HNRNPU: variants seen among roughly 807,000 people sequenced by gnomAD.
HNRNPU encodes HNRNPU antisense RNA 1.
A neutral mutation model predicts 94.7 loss-of-function variants in HNRNPU; 5 were observed. The ratio of observed to expected loss-of-function variants is 0.05; its 90% CI spans 0.03 to 0.11. The LOEUF (loss-of-function observed/expected upper bound fraction) is 0.11. Ranked by LOEUF, HNRNPU falls within the 10% of genes least tolerant of loss-of-function variation. The pLI is 1.00. For missense variants in HNRNPU, 710 were observed against 1,049.2 expected (o/e 0.68, Z 4.47); for synonymous variants, 434 against 381.6 (o/e 1.14, Z -1.60).
In HNRNPU at chr1:244,864,212, G is replaced by T; in HGVS notation, c.96C>A (p.Ala32=). 6.2e-7 allele frequency: 1 copy of T among 1,612,102 alleles called. No homozygotes were observed. The highest frequency in any genetic ancestry group is 8.5e-7 in the Non-Finnish European group (1 of 1,179,348). ...CAGCCTGGAGTCGCTCCATGAGCTC[G>T]GCCTTGAGACCCTTGTCAGAAAGGC... The part of the protein sequence containing the change: ...KRRLSDKGLK[A]ELMERLQAAL... The change falls in exon 1 of 14, where the codon GCC becomes GCA. Residue 32 remains alanine (A), a synonymous_variant. Transcript: ENST00000640218.
In HNRNPU at chr1:244,859,480, T is replaced by C. The variant is rs998012665; in HGVS notation, c.1018-106A>G. The C allele has an allele frequency of 6.6e-6, 4 of 609,926 alleles. No homozygotes were observed. The South Asian group carries it at 8.1e-5, about 12-fold the overall frequency. The allele number at this position is 609,926 out of a possible 1,614,324, so 37.8% of individuals were successfully genotyped here. ...GGGCTAATCTTCCTCTAGCTATAAA[T>C]ACAAAGAAGGCACACTCTAGCCCAC... is the stretch of plus-strand genomic sequence containing the variant. On this transcript the variant is annotated intron_variant, in intron 4 of 13. Coordinates refer to ENST00000640218, the MANE Select transcript of HNRNPU (RefSeq NM_031844.3).
chr1:244,854,557 T>A, intron 13 of HNRNPU, 54 bp from the exon 14 acceptor site: 1 of 1,144,008 alleles, frequency 8.7e-7, no homozygotes. Flanking sequence ...CCACTCAAAC[T>A]GTTTTTAGGA....
At chr1:244,854,637 A>C in intron 13 of HNRNPU, 134 bp from the exon 14 acceptor site, 1 of 658,230 alleles carries the variant, frequency 1.5e-6, no homozygotes, top group East Asian at 2.6e-5. Context: ...TCTGATTTCT[A>C]CCAAACCAGA....
chr1:244,864,390 C>T lies in HNRNPU; in HGVS notation c.-83G>A. 1 of 1,575,622 alleles carries T rather than the reference C, an allele frequency of 6.3e-7. No individual in the cohort carries two copies. The highest frequency in any genetic ancestry group is 8.6e-7 in the Non-Finnish European group (1 of 1,166,250). On this transcript the variant is annotated 5_prime_UTR_variant, in exon 1 of 14. Transcript: ENST00000640218. ...CCACTGGTGGCGGCTGCTGCGGCTG[C>T]TCCTCGGCCCGGGCGGCGGCTGCGG...
Position 244,859,516 on chromosome 1 carries a change from T to C in HNRNPU, c.1018-142A>G, listed in dbSNP as rs529002233. 62 of 498,638 alleles carry C rather than the reference T, an allele frequency of 1.2e-4. No homozygotes were observed. The Admixed American group carries it at 1.8e-3, about 15-fold the overall frequency. The allele number at this position is 498,638 out of a possible 1,614,324, so 30.9% of individuals were successfully genotyped here. A position where few individuals can be genotyped will look rare whatever the true frequency, so the allele number is the denominator to read the frequency against. The stretch of plus-strand genomic sequence containing the variant: ...CACACTCTAGCCCACCCCCAATATT[T>C]GTAAGAACTTTAAACTGATGTGCTT... On this transcript the variant is annotated intron_variant, in intron 4 of 13. Coordinates refer to ENST00000640218, the MANE Select transcript of HNRNPU (RefSeq NM_031844.3).
intron 12 of HNRNPU, 116 bp downstream of exon 12, chr1:244,855,308 A>AT: frequency 9.7e-7 from 1 of 1,026,608 alleles, no homozygotes; most frequent in South Asian, 1.5e-5. Flanking sequence ...AATTTTCCTT[A>AT]TGTCAATGCC....
At position 244,852,142 on chromosome 1, in the gene HNRNPU, C is replaced by G. The variant is rs1680564352; in HGVS notation, c.*2308G>C. ...AATCAGGTTTCTCGTTCGTATCTTA[C>G]TTCTTACCTAATTTTCTCCCTGTTG... is the stretch of plus-strand genomic sequence containing the variant. On this transcript the variant is annotated 3_prime_UTR_variant, in exon 14 of 14. Transcript: ENST00000640218. The G allele has an allele frequency of 6.6e-6, 1 of 152,170 alleles. No individual in the cohort carries two copies. 9.4% of individuals were successfully genotyped at this position (152,170 alleles called of 1,614,324 possible).
Position 244,852,442 on chromosome 1 carries a change from T to C in HNRNPU, c.*2008A>G, listed in dbSNP as rs767691043. 9 of 152,154 alleles carry C rather than the reference T, an allele frequency of 5.9e-5. No individual in the cohort carries two copies. The highest frequency in any genetic ancestry group is 1.3e-4 in the Non-Finnish European group (9 of 68,024). 9.4% of individuals were successfully genotyped at this position (152,154 alleles called of 1,614,324 possible). On this transcript the variant is annotated 3_prime_UTR_variant, in exon 14 of 14. Transcript: ENST00000640218. ...AAACTAGAAGATATATCCAAAACTT[T>C]TTAAAGGCACAAAGGACAACTTTAG...
chr1:244,854,387 A>G lies in HNRNPU; in HGVS notation c.*63T>C. On this transcript the variant is annotated 3_prime_UTR_variant, in exon 14 of 14. Coordinates refer to ENST00000640218, the MANE Select transcript of HNRNPU (RefSeq NM_031844.3). ...TGTTTAAAAAGTTAGCCTACTAAAG[A>G]AAACAGTCGACTTCTTGTGAAGGTT... is the stretch of plus-strand genomic sequence containing the variant. 8.8e-7 allele frequency: 1 copy of G among 1,140,374 alleles called. No individual in the cohort carries two copies. Among genetic ancestry groups the G allele is most frequent in the Non-Finnish European group, 1.3e-6 (1 of 754,392 alleles). 70.6% of individuals were successfully genotyped at this position (1,140,374 alleles called of 1,614,324 possible).
intron 1 of HNRNPU, 59 bp from the exon 2 acceptor site, chr1:244,862,789 C>T: frequency 7.8e-7 from 1 of 1,284,142 alleles, no homozygotes; most frequent in Non-Finnish European, 1.1e-6. Flanking sequence ...AAACGCTTTT[C>T]CGTTCCGAGA....
chr1:244,859,087 A>G (rs1558187998), intron 5 of HNRNPU, 188 bp downstream of exon 5: 1 of 579,570 alleles, frequency 1.7e-6, no homozygotes, highest in East Asian at 2.9e-5. Context: ...ATTGGTCATA[A>G]ACTTCTAATA....
At chr1:244,857,303 T>A in intron 8 of HNRNPU, 1 of 276,800 alleles carries the variant, frequency 3.6e-6, no homozygotes, top group Non-Finnish European at 6.7e-6. Flanking sequence ...TGGAGTACAA[T>A]GGCACGATCT....
chr1:244,864,288 T>G lies in HNRNPU; in HGVS notation c.20A>C (p.Asn7Thr). The G allele has an allele frequency of 1.2e-6, 2 of 1,613,078 alleles. No individual in the cohort carries two copies. The highest frequency in any genetic ancestry group is 1.7e-6 in the Non-Finnish European group (2 of 1,179,742). ...CTCCGACACCTTCAGCTTTTTTACA[T>G]TAACAGGCGAGGAACTCATGGTGAG... MSSSPV[N>T]VKKLKVSELK... The change falls in exon 1 of 14, where the codon AAT (asparagine) becomes ACT (threonine). Residue 7 changes from asparagine to threonine, a missense_variant. Asn to Thr is a moderately conservative substitution (Grantham distance 65). This residue lies in a region of HNRNPU where 19 missense variants were observed against 47.7 expected (regional missense o/e 0.40). Transcript: ENST00000640218.
chr1:244,850,975 C>T lies in HNRNPU; in HGVS notation c.*3475G>A, dbSNP rs892782761. On this transcript the variant is annotated 3_prime_UTR_variant, in exon 14 of 14. Transcript: ENST00000640218. Reference sequence around the variant, plus strand: ...TAAAATTCTCTGCTACAAGTTCCATCCACTTTTTTTTTTTCAAGAGACCAG... The same window carrying T: ...TAAAATTCTCTGCTACAAGTTCCATTCACTTTTTTTTTTTCAAGAGACCAG... 14 of 151,976 alleles carry T rather than the reference C, an allele frequency of 9.2e-5. No homozygotes were observed. Among genetic ancestry groups the T allele is most frequent in the African/African-American group, 3.1e-4 (13 of 41,328 alleles). 9.4% of individuals were successfully genotyped at this position (151,976 alleles called of 1,614,324 possible).
At chr1:244,860,259 C>T in intron 4 of HNRNPU, 76 bp downstream of exon 4, 1 of 1,360,270 alleles carries the variant, frequency 7.4e-7, no homozygotes, top group Non-Finnish European at 1.0e-6. Context: ...CTAGGTCGCA[C>T]CACGGCAATC....
chr1:244,863,770 C>A lies in HNRNPU; in HGVS notation c.538G>T (p.Ala180Ser). 1 of 1,594,412 alleles carries A rather than the reference C, an allele frequency of 6.3e-7. No individual in the cohort carries two copies. The highest frequency in any genetic ancestry group is 1.1e-5 in the South Asian group (1 of 89,000). Residue 180 changes from alanine (A) to serine (S), a missense_variant, in exon 1 of 14, where the codon GCC (alanine) becomes TCC (serine). Ala to Ser is a moderately conservative substitution (Grantham distance 99). Transcript: ENST00000640218. ...QQQPQQQRGA[A>S]KEAAGKSSGP... ...CTGCTCTTCCCCGCGGCCTCCTTGG[C>A]GGCCCCGCGCTGCTGTTGGGGCTGT...
chr1:244,863,470 G>A, intron 1 of HNRNPU, 147 bp downstream of exon 1: 1 of 1,044,728 alleles, frequency 9.6e-7, no homozygotes, highest in Non-Finnish European at 1.2e-6. Flanking sequence ...CGGCTAATCT[G>A]GGATTCCCCG....
chr1:244,862,274 C>G, intron 3 of HNRNPU, 187 bp downstream of exon 3: 1 of 531,356 alleles, frequency 1.9e-6, no homozygotes, highest in Non-Finnish European at 3.3e-6. Flanking sequence ...GTAAAATAAT[C>G]CACTTAATAC....
chr1:244,860,191 T>C lies in HNRNPU; in HGVS notation c.1017+144A>G, dbSNP rs565082459. ...AGTGTGTGCCTCTAGTCCGAGCTAC[T>C]TGAGAGACTGAAGCAAGGAGAATCG... is the stretch of plus-strand genomic sequence containing the variant. On this transcript the variant is annotated intron_variant, in intron 4 of 13. Coordinates refer to ENST00000640218, the MANE Select transcript of HNRNPU (RefSeq NM_031844.3). 6.4e-6 allele frequency: 4 copies of C among 624,568 alleles called. No individual in the cohort carries two copies. In the East Asian group the frequency reaches 1.2e-4, roughly 18 times the overall value. The allele number at this position is 624,568 out of a possible 1,614,324, so 38.7% of individuals were successfully genotyped here.
Sources: allele counts gnomAD v4.1 joint callset, GRCh38; gene constraint gnomAD v4.1.1; regional missense constraint gnomAD v4.1.1; transcripts MANE v1.5; gene names NCBI Gene and HGNC (gene_info 2026-07-23, HGNC 2026-07-21).